Variants in TRPC5 observed in about 807,000 individuals in gnomAD.
TRPC5 encodes the protein transient receptor potential cation channel subfamily C member 5, also known as short transient receptor potential channel 5.
Under a neutral mutation model 56.5 loss-of-function variants are expected in TRPC5, and 9 were observed. The observed-to-expected ratio is 0.16, with a 90% CI of 0.10 to 0.28. TRPC5 has a LOEUF of 0.28. Ranked by LOEUF, TRPC5 falls within the 10% of genes least tolerant of loss-of-function variation. The pLI is 1.00. For synonymous variants in TRPC5, 282 were observed against 278.5 expected, an observed-to-expected ratio of 1.01 and a Z score of -0.13; for missense variants, 469 against 748.9, an observed-to-expected ratio of 0.63 and a Z score of 4.36.
intron 1 of TRPC5, among the ~76,000 whole-genome samples, chrX:112,018,821 G>A (rs956301640): frequency 8.9e-6 from 1 of 112,069 alleles, no homozygotes; most frequent in Admixed American, 9.5e-5. Flanking sequence ...CTGGGTTCAA[G>A]GCCTCTTCTC....
intron 3 of TRPC5, among the ~76,000 whole-genome samples, chrX:111,905,685 CAA>C (rs1925571453): frequency 3.6e-5 from 4 of 110,664 alleles, no homozygotes; most frequent in Non-Finnish European, 5.7e-5. Flanking sequence ...GAGGCCAAGG[CAA>C]GTGGATCACG....
intron 3 of TRPC5, among the ~76,000 whole-genome samples, chrX:111,874,852 CAG>C (rs1346832952): frequency 8.9e-6 from 1 of 112,399 alleles, no homozygotes; most frequent in Non-Finnish European, 1.9e-5. Context: ...TGCTTTTATG[CAG>C]AGTTGAGTAA....
At chrX:111,916,140 T>TAAAGA (rs1323388319) in intron 2 of TRPC5, among the ~76,000 whole-genome samples, 2 of 110,563 alleles carry the variant, frequency 1.8e-5, no homozygotes, top group African/African-American at 3.3e-5. Flanking sequence ...AATAAAAAAG[T>TAAAGA]AAAGAAAAGA....
chrX:111,901,867 T>G (rs1190549686), intron 3 of TRPC5: 1 of 1,142,785 alleles, frequency 8.8e-7, no homozygotes, highest in African/African-American at 1.8e-5. Context: ...CTGTGTTAAT[T>G]CATGTACTCA....
chrX:112,005,462 G>GAAAAAAAAAAAAAAAAA (rs1928811511), intron 1 of TRPC5, among the ~76,000 whole-genome samples: 1 of 75,532 alleles, frequency 1.3e-5, no homozygotes, highest in Non-Finnish European at 2.4e-5. Flanking sequence ...GAACCTAAAA[G>GAAAAAAAAAAAAAAAAA]TAAAAAAAAA....
At chrX:111,854,209 A>G (rs987214548) in intron 3 of TRPC5, 103 bp from the exon 4 acceptor site, 2 of 874,110 alleles carry the variant, frequency 2.3e-6, no homozygotes, top group South Asian at 2.6e-5. Context: ...AAGGAGTTAC[A>G]TGGCCAATCC....
At chrX:111,821,705 G>T (rs965902050) in intron 7 of TRPC5, among the ~76,000 whole-genome samples, 2 of 112,152 alleles carry the variant, frequency 1.8e-5, no homozygotes, top group African/African-American at 3.2e-5. Flanking sequence ...CTAGTCAAAT[G>T]ATTCCTGGTG....
chrX:112,040,487 T>C (rs1602407359), intron 1 of TRPC5, among the ~76,000 whole-genome samples: 2 of 111,582 alleles, frequency 1.8e-5, no homozygotes, highest in East Asian at 5.6e-4. Flanking sequence ...ATGTCACACA[T>C]AGGGAAGTTC....
intron 1 of TRPC5, among the ~76,000 whole-genome samples, chrX:112,072,570 C>G (rs1362042365): frequency 9.0e-6 from 1 of 111,633 alleles, no homozygotes; most frequent in African/African-American, 3.3e-5. Context: ...ATCACCTCAC[C>G]CTAACCTGCT....
intron 7 of TRPC5, among the ~76,000 whole-genome samples, chrX:111,816,608 C>A (rs183858549): frequency 6.2e-4 from 70 of 112,114 alleles, no homozygotes; most frequent in East Asian, 2.8e-4. Context: ...TGCAGGGCTT[C>A]TTCAGTTCCC....
intron 2 of TRPC5, among the ~76,000 whole-genome samples, chrX:111,940,687 T>G (rs1212959933): frequency 4.2e-5 from 4 of 94,139 alleles, no homozygotes; most frequent in African/African-American, 1.6e-4. Context: ...TGGGACTACG[T>G]CTAAAAAAAA....
chrX:111,954,620 T>C (rs1927180898), intron 1 of TRPC5, among the ~76,000 whole-genome samples: 1 of 112,035 alleles, frequency 8.9e-6, no homozygotes, highest in Non-Finnish European at 1.9e-5. Flanking sequence ...TATCCTCATC[T>C]GAAAAATGGT....
Position 111,966,659 on chromosome X carries a change from G to T in TRPC5, c.-21-14218C>A, listed in dbSNP as rs774171992. ...ATCAAGTGGGCTTCATCTCTGGGAT[G>T]CAAGGCTGGTTCAACATATGCAAAT... On this transcript the variant is annotated intron_variant, in intron 1 of 10. Coordinates refer to ENST00000262839, the MANE Select transcript of TRPC5 (RefSeq NM_012471.3). Among the ~76,000 whole-genome samples the T allele has an allele frequency of 2.7e-5, 3 of 112,161 alleles. No homozygotes were observed. In the South Asian group the frequency reaches 1.1e-3, roughly 42 times the overall value.
chrX:112,015,033 CA>C (rs1312176372), intron 1 of TRPC5, among the ~76,000 whole-genome samples: 2 of 49,349 alleles, frequency 4.1e-5, no homozygotes, highest in African/African-American at 2.0e-4. Context: ...GCCTTCTTGC[CA>C]TTTTTTTTTT....
chrX:111,927,846 G>C (rs1382654687), intron 2 of TRPC5, among the ~76,000 whole-genome samples: 1 of 107,830 alleles, frequency 9.3e-6, no homozygotes, highest in Non-Finnish European at 1.9e-5. Flanking sequence ...TTATCCCCAA[G>C]GTGGGAAACA....
At chrX:111,978,041 T>C (rs1479748409) in intron 1 of TRPC5, among the ~76,000 whole-genome samples, 1 of 111,681 alleles carries the variant, frequency 9.0e-6, no homozygotes, top group Non-Finnish European at 1.9e-5. Context: ...GCAGCCATTA[T>C]GGAAAACATT....
At position 112,028,449 on chromosome X, in the gene TRPC5, T is replaced by C. The variant is rs368849800; in HGVS notation, c.-22+53430A>G. 4.5e-4 allele frequency among the ~76,000 whole-genome samples: 50 copies of C among 110,994 alleles called. No homozygotes were observed. In the East Asian group the frequency reaches 7.4e-3, roughly 17 times the overall value. On this transcript the variant is annotated intron_variant, in intron 1 of 10. Coordinates refer to ENST00000262839, the MANE Select transcript of TRPC5 (RefSeq NM_012471.3). ...CAGGCCCCCACCCCATGACAGGCCC[T>C]GGTGTGTGATGTTCCCTGCCCTGTG...
intron 7 of TRPC5, among the ~76,000 whole-genome samples, chrX:111,791,577 C>T (rs768935940): frequency 7.1e-5 from 8 of 112,324 alleles, no homozygotes; most frequent in Non-Finnish European, 1.3e-4. Context: ...TGCAGAGTCT[C>T]ATCCAACATG....
At chrX:111,992,018 A>T (rs952624038) in intron 1 of TRPC5, among the ~76,000 whole-genome samples, 2 of 112,354 alleles carry the variant, frequency 1.8e-5, no homozygotes, top group Non-Finnish European at 3.8e-5. Flanking sequence ...TGTCAGACTC[A>T]ATTTAGGGTT....
Sources: allele counts gnomAD v4.1 joint callset (sites outside exome capture counted in the v4.1 genomes callset), GRCh38; gene constraint gnomAD v4.1.1; transcripts MANE v1.5; gene names NCBI Gene and HGNC (gene_info 2026-07-23, HGNC 2026-07-21).